Variants in ADGRV1 observed in about 807,000 individuals in gnomAD.
ADGRV1 encodes the protein G-protein coupled receptor 98.
A neutral mutation model predicts 596.2 loss-of-function variants in ADGRV1; 359 were observed. The ratio of observed to expected loss-of-function variants is 0.60; its 90% CI spans 0.55 to 0.66. ADGRV1 has a LOEUF of 0.66. Ranked by LOEUF, ADGRV1 falls within the 30% of genes least tolerant of loss-of-function variation. ADGRV1 has a pLI of 0.00. For missense variants in ADGRV1, 7,274 were observed against 7,575.6 expected, an observed-to-expected ratio of 0.96 and a Z score of 1.48; for synonymous variants, 2,681 against 2,679.2, an observed-to-expected ratio of 1.00 and a Z score of -0.02.
Position 90,745,795 on chromosome 5 carries a change from G to C in ADGRV1, c.10974G>C (p.Gln3658His), listed in dbSNP as rs794727754. The change falls in exon 52 of 90, where the codon CAG becomes CAC. Residue 3658 changes from glutamine to histidine, a missense_variant and splice_region_variant. Coordinates refer to ENST00000405460, the MANE Select transcript of ADGRV1 (RefSeq NM_032119.4). Reference protein sequence around the residue: ...DDAYGIVAFAQNSLYKQVEEM... With the variant: ...DDAYGIVAFAHNSLYKQVEEM... ...CCTATGGAATTGTTGCATTTGCTCA[G>C]GTAATGATACTGAAGACCCCACACT... 6.4e-7 allele frequency: 1 copy of C among 1,562,436 alleles called. No individual in the cohort carries two copies. Among genetic ancestry groups the C allele is most frequent in the Admixed American group, 1.7e-5 (1 of 59,814 alleles).
chr5:91,147,274 T>C (rs1562278461), intron 87 of ADGRV1, among the ~76,000 whole-genome samples: 1 of 152,076 alleles, frequency 6.6e-6, no homozygotes, highest in Non-Finnish European at 1.5e-5. Flanking sequence ...TTTGCCATGG[T>C]CTCTTGCTAG....
In ADGRV1 at chr5:90,706,611, G is replaced by C. The variant is rs60796101; in HGVS notation, c.8730+217G>C. Among the ~76,000 whole-genome samples, 577 of 151,898 alleles carry C rather than the reference G, an allele frequency of 3.8e-3. 30 individuals are homozygous for C. In the East Asian group the frequency reaches 0.091, roughly 24 times the overall value. ...AGTAACTACATAGAAGGTAGAAATT[G>C]ATGGAAGAGTCTATCTATAACATAA... On this transcript the variant is annotated intron_variant, in intron 38 of 89. Transcript: ENST00000405460.
rs753757818 is a variant in ADGRV1, at chr5:90,627,293, T to A, written c.755T>A (p.Ile252Asn). ...GAEINTSRNS[I>N]EIIIKKNDSP... ...GAGATTAACACCTCTAGGAATTCCA[T>A]TGAGATCATCATTAAGAAAAATGAT... Residue 252 changes from isoleucine to asparagine, a missense_variant, in exon 7 of 90, where the codon ATT becomes AAT. Transcript: ENST00000405460. 6.2e-7 allele frequency: 1 copy of A among 1,612,164 alleles called. No homozygotes were observed. The highest frequency in any genetic ancestry group is 8.5e-7 in the Non-Finnish European group (1 of 1,178,588).
At chr5:90,643,257 TAACA>T (rs1767234788) in intron 13 of ADGRV1, among the ~76,000 whole-genome samples, 1 of 151,976 alleles carries the variant, frequency 6.6e-6, no homozygotes, top group Non-Finnish European at 1.5e-5. Flanking sequence ...CATGAAGAAA[TAACA>T]AACAATCTTA....
chr5:90,705,542 A>G lies in ADGRV1; in HGVS notation c.8529A>G (p.Thr2843=), dbSNP rs2149693196. The stretch of plus-strand genomic sequence containing the variant: ...TGTTACTACAAGAGGCTAACATAAC[A>G]ATTCAGCTTTTCATCAACAGAGAAT... ...RFVLLQEANI[T]IQLFINREFG... The change falls in exon 37 of 90, where the codon ACA becomes ACG. Residue 2843 remains threonine (T), a synonymous_variant. Coordinates refer to ENST00000405460, the MANE Select transcript of ADGRV1 (RefSeq NM_032119.4). The G allele has an allele frequency of 6.2e-7, 1 of 1,613,878 alleles. No homozygotes were observed. The highest frequency in any genetic ancestry group is 8.5e-7 in the Non-Finnish European group (1 of 1,179,818).
intron 77 of ADGRV1, among the ~76,000 whole-genome samples, chr5:90,839,015 G>A (rs1005965701): frequency 1.3e-5 from 2 of 151,942 alleles, no homozygotes; most frequent in African/African-American, 4.8e-5. Context: ...TTGCATGAAC[G>A]AATGCAAAAA....
At chr5:90,994,218 A>G (rs1473948775) in intron 85 of ADGRV1, among the ~76,000 whole-genome samples, 1 of 151,818 alleles carries the variant, frequency 6.6e-6, no homozygotes, top group Non-Finnish European at 1.5e-5. Flanking sequence ...ACCCACCATG[A>G]CACCCAGCTA....
At chr5:90,851,120 T>C (rs1353095420) in intron 79 of ADGRV1, among the ~76,000 whole-genome samples, 1 of 99,172 alleles carries the variant, frequency 1.0e-5, no homozygotes, top group Non-Finnish European at 2.1e-5. Context: ...TGTGTGTGTG[T>C]GTGTGTGTGT....
chr5:91,101,177 A>AT (rs1252261553), intron 86 of ADGRV1, among the ~76,000 whole-genome samples: 2 of 152,142 alleles, frequency 1.3e-5, no homozygotes, highest in Non-Finnish European at 2.9e-5. Flanking sequence ...GTAATGGGGG[A>AT]TCAGATTCAC....
At chr5:90,949,134 C>T (rs1032537572) in intron 83 of ADGRV1, among the ~76,000 whole-genome samples, 1 of 152,086 alleles carries the variant, frequency 6.6e-6, no homozygotes, top group Admixed American at 6.6e-5. Flanking sequence ...GGAAATAGCA[C>T]ATACTACATG....
At chr5:90,875,770 C>CAATT (rs1769163361) in intron 83 of ADGRV1, among the ~76,000 whole-genome samples, 1 of 152,126 alleles carries the variant, frequency 6.6e-6, no homozygotes, top group African/African-American at 2.4e-5. Flanking sequence ...GATGAGAGAA[C>CAATT]AATTATTGGA....
At chr5:90,784,114 G>C in intron 67 of ADGRV1, 57 bp downstream of exon 67, 1 of 1,129,454 alleles carries the variant, frequency 8.9e-7, no homozygotes, top group South Asian at 1.6e-5. Context: ...GAGTATGGTA[G>C]TGTGTTTTCT....
At chr5:91,008,039 T>C (rs927535102) in intron 85 of ADGRV1, among the ~76,000 whole-genome samples, 4 of 152,200 alleles carry the variant, frequency 2.6e-5, no homozygotes, top group African/African-American at 7.2e-5. Flanking sequence ...AAATTAATTG[T>C]GTCTCTTTCT....
chr5:90,821,159 ATTCAT>A (rs1184823244), intron 75 of ADGRV1, among the ~76,000 whole-genome samples: 1 of 150,994 alleles, frequency 6.6e-6, no homozygotes, highest in African/African-American at 2.4e-5. Context: ...GCTTCATTTC[ATTCAT>A]TTCATCTTCC....
intron 16 of ADGRV1, among the ~76,000 whole-genome samples, chr5:90,646,709 T>A (rs1767824577): frequency 1.3e-5 from 2 of 152,082 alleles, no homozygotes; most frequent in Admixed American, 1.3e-4. Flanking sequence ...ATTTACCTAA[T>A]GCAGGAATTG....
intron 86 of ADGRV1, 87 bp from the exon 87 acceptor site, chr5:91,102,132 A>G (rs982343806): frequency 3.2e-6 from 4 of 1,250,314 alleles, no homozygotes; most frequent in Non-Finnish European, 4.4e-6. Flanking sequence ...GCACTAGAAT[A>G]CCACAGAAAG....
At chr5:91,032,927 A>T (rs1382311701) in intron 85 of ADGRV1, among the ~76,000 whole-genome samples, 2 of 152,138 alleles carry the variant, frequency 1.3e-5, no homozygotes, top group African/African-American at 4.8e-5. Context: ...TTTCCTGGCC[A>T]TTTACTTCAG....
At chr5:91,033,170 T>A (rs1051925136) in intron 85 of ADGRV1, among the ~76,000 whole-genome samples, 9 of 152,304 alleles carry the variant, frequency 5.9e-5, no homozygotes, top group African/African-American at 1.9e-4. Context: ...ACACTCCACT[T>A]TTTGTTTACT....
intron 56 of ADGRV1, 60 bp downstream of exon 56, chr5:90,756,690 A>C (rs1317084591): frequency 7.2e-7 from 1 of 1,391,778 alleles, no homozygotes; most frequent in African/African-American, 1.4e-5. Context: ...TGATTTGGCC[A>C]GTGTTTTATG....
Sources: gnomAD v4.1 joint callset for allele counts (sites outside exome capture counted in the v4.1 genomes callset) on GRCh38, gnomAD v4.1.1 for gene constraint, MANE v1.5 for transcripts, NCBI Gene and HGNC (gene_info 2026-07-23, HGNC 2026-07-21) for gene names.